The following SLC44A1 variants were observed in gnomAD, a reference collection of about 807,000 sequenced individuals.
The protein encoded by SLC44A1 is choline transporter-like protein 1.
SLC44A1 carries 26 observed loss-of-function variants against 79.3 expected under a neutral mutation model. The ratio of observed to expected loss-of-function variants is 0.33; its 90% CI spans 0.24 to 0.46. The LOEUF is 0.46. SLC44A1 is among the 20% of genes least tolerant of loss of function. The pLI, the probability that SLC44A1 is intolerant of heterozygous loss-of-function variation, is 1.00. For synonymous variants in SLC44A1, 263 were observed against 286.2 expected, an observed-to-expected ratio of 0.92 and a Z score of 0.82; for missense variants, 688 against 798.1, an observed-to-expected ratio of 0.86 and a Z score of 1.66.
chr9:105,267,241 G>A (rs978975763), intron 1 of SLC44A1, among the ~76,000 whole-genome samples: 3 of 152,142 alleles, frequency 2.0e-5, no homozygotes, highest in Admixed American at 2.0e-4. Flanking sequence ...GTTGAAGTCT[G>A]CTATTCTGAT....
chr9:105,411,674 T>A (rs1394670101), intron 15 of SLC44A1, among the ~76,000 whole-genome samples: 1 of 152,176 alleles, frequency 6.6e-6, no homozygotes, highest in African/African-American at 2.4e-5. Context: ...ATGACCTTGA[T>A]GTATTTGAAG....
chr9:105,286,057 C>T (rs747686838), intron 1 of SLC44A1, among the ~76,000 whole-genome samples: 2 of 152,136 alleles, frequency 1.3e-5, no homozygotes, highest in African/African-American at 2.4e-5. Context: ...GCCGAGATTG[C>T]GCCACTGCAC....
intron 15 of SLC44A1, among the ~76,000 whole-genome samples, chr9:105,426,370 G>A (rs567568388): frequency 6.6e-6 from 1 of 152,224 alleles, no homozygotes; most frequent in African/African-American, 2.4e-5. Context: ...TTCCAAAAAT[G>A]TAATATATTT....
chr9:105,407,610 C>T (rs1483325142), intron 15 of SLC44A1, among the ~76,000 whole-genome samples: 1 of 151,446 alleles, frequency 6.6e-6, no homozygotes, highest in East Asian at 2.0e-4. Flanking sequence ...TGTAATCCCA[C>T]TGTAATCTCA....
At chr9:105,261,775 C>CTCT (rs1829844992) in intron 1 of SLC44A1, among the ~76,000 whole-genome samples, 3 of 111,686 alleles carry the variant, frequency 2.7e-5, no homozygotes, top group African/African-American at 1.1e-4. Flanking sequence ...CTCTCTCTCT[C>CTCT]TTTTTTTTTT....
chr9:105,402,884 T>C (rs753734443), intron 15 of SLC44A1, among the ~76,000 whole-genome samples: 1 of 151,306 alleles, frequency 6.6e-6, no homozygotes, highest in Non-Finnish European at 1.5e-5. Flanking sequence ...CCATCATAGC[T>C]CACTGCAGCC....
chr9:105,264,322 C>T (rs1829910608), intron 1 of SLC44A1, among the ~76,000 whole-genome samples: 1 of 152,086 alleles, frequency 6.6e-6, no homozygotes, highest in African/African-American at 2.4e-5. Context: ...CACCACCACG[C>T]CTAGCTGATT....
chr9:105,247,162 T>C (rs1329381981), intron 1 of SLC44A1, among the ~76,000 whole-genome samples: 2 of 152,066 alleles, frequency 1.3e-5, no homozygotes, highest in East Asian at 3.9e-4. Context: ...AATCGGCTGG[T>C]ATTTTAACTC....
At chr9:105,401,946 G>A (rs1406675408), downstream of SLC44A1, among the ~76,000 whole-genome samples, 2 of 152,190 alleles carry the variant, frequency 1.3e-5, no homozygotes, top group African/African-American at 4.8e-5. Context: ...GTCATTAGGA[G>A]AAACTGTCTC....
intron 13 of SLC44A1, among the ~76,000 whole-genome samples, chr9:105,376,745 C>T (rs979900442): frequency 1.3e-5 from 2 of 152,078 alleles, no homozygotes; most frequent in Admixed American, 6.6e-5. Flanking sequence ...TATTTGATGA[C>T]GATGATTTTA....
Position 105,249,819 on chromosome 9 carries a change from G to T in SLC44A1, c.36+4915G>T, listed in dbSNP as rs111263410. On this transcript the variant is annotated intron_variant, in intron 1 of 15. Coordinates refer to ENST00000374720, the MANE Select transcript of SLC44A1 (RefSeq NM_080546.5). ...CAAAGTGCTGGGATTACAGGCATGA[G>T]CCTCCATGCCCGGCCAATTCCCAAA... Among the ~76,000 whole-genome samples, 1,067 of 151,046 alleles carry T rather than the reference G, an allele frequency of 7.1e-3. 11 individuals carry two copies. The highest frequency in any genetic ancestry group is 0.024 in the African/African-American group (988 of 41,090).
At chr9:105,312,704 A>T (rs1264979291) in intron 3 of SLC44A1, among the ~76,000 whole-genome samples, 1 of 152,148 alleles carries the variant, frequency 6.6e-6, no homozygotes, top group African/African-American at 2.4e-5. Context: ...TTATTTACTA[A>T]TTTTTTAAGC....
intron 5 of SLC44A1, among the ~76,000 whole-genome samples, chr9:105,352,215 T>C (rs1265077582): frequency 6.6e-6 from 1 of 152,226 alleles, no homozygotes; most frequent in African/African-American, 2.4e-5. Flanking sequence ...TATAGAGATA[T>C]TGCCAGAATA....
At chr9:105,343,434 T>A (rs1827159848) in intron 4 of SLC44A1, among the ~76,000 whole-genome samples, 1 of 152,232 alleles carries the variant, frequency 6.6e-6, no homozygotes, top group Non-Finnish European at 1.5e-5. Context: ...ATTATTGTTA[T>A]CTGGTTGTTA....
At chr9:105,408,777 T>A (rs1299084889) in intron 15 of SLC44A1, among the ~76,000 whole-genome samples, 2 of 152,172 alleles carry the variant, frequency 1.3e-5, no homozygotes, top group Non-Finnish European at 2.9e-5. Flanking sequence ...TAAATGTATC[T>A]GAATGAACAC....
chr9:105,278,633 G>A (rs1393643106), intron 1 of SLC44A1, among the ~76,000 whole-genome samples: 5 of 152,094 alleles, frequency 3.3e-5, no homozygotes, highest in East Asian at 1.9e-4. Context: ...TACCCGCTTC[G>A]GCCTCCCAAA....
chr9:105,373,068 T>G (rs1302028427), intron 12 of SLC44A1, among the ~76,000 whole-genome samples: 2 of 152,198 alleles, frequency 1.3e-5, no homozygotes, highest in African/African-American at 4.8e-5. Flanking sequence ...AGTTAAATTT[T>G]TGGTAATTCA....
intron 4 of SLC44A1, among the ~76,000 whole-genome samples, chr9:105,337,599 G>A (rs1444517678): frequency 6.6e-6 from 1 of 152,034 alleles, no homozygotes; most frequent in Admixed American, 6.6e-5. Flanking sequence ...CCCCTTGCTC[G>A]GAAATCATCC....
chr9:105,368,015 G>A (rs185667228), intron 12 of SLC44A1, among the ~76,000 whole-genome samples: 1 of 152,116 alleles, frequency 6.6e-6, no homozygotes, highest in Non-Finnish European at 1.5e-5. Flanking sequence ...GACTCAAAAA[G>A]ACTAACAGGG....
Sources: gnomAD v4.1 joint callset for allele counts (sites outside exome capture counted in the v4.1 genomes callset) on GRCh38, gnomAD v4.1.1 for gene constraint, MANE v1.5 for transcripts, NCBI Gene and HGNC (gene_info 2026-07-23, HGNC 2026-07-21) for gene names.